DLGAP1: variants seen among roughly 807,000 people sequenced by gnomAD.
DLGAP1 encodes DLG associated protein 1.
In DLGAP1, 11 loss-of-function variants were observed where a neutral mutation model predicts 90.8. The ratio of observed to expected loss-of-function variants is 0.12; its 90% CI spans 0.08 to 0.20. DLGAP1 has a LOEUF of 0.20. DLGAP1 is among the 10% of genes least tolerant of loss of function. DLGAP1 has a pLI of 1.00. For synonymous variants in DLGAP1, 558 were observed against 540.7 expected, an observed-to-expected ratio of 1.03 and a Z score of -0.44; for missense variants, 1,050 against 1,333.8, an observed-to-expected ratio of 0.79 and a Z score of 3.31.
chr18:3,713,125 A>C (rs966525609), intron 7 of DLGAP1, among the ~76,000 whole-genome samples: 1 of 152,342 alleles, frequency 6.6e-6, no homozygotes, highest in Non-Finnish European at 1.5e-5. Flanking sequence ...TGAACCACCA[A>C]CAAGTACAGC....
chr18:4,203,206 C>T (rs1469788880), intron 1 of DLGAP1, among the ~76,000 whole-genome samples: 5 of 149,088 alleles, frequency 3.4e-5, no homozygotes, highest in South Asian at 2.1e-4. Context: ...ACCCGGGAGG[C>T]GGAGGTTGCA....
intron 7 of DLGAP1, among the ~76,000 whole-genome samples, chr18:3,601,296 G>C (rs566711348): frequency 2.0e-5 from 3 of 152,020 alleles, no homozygotes; most frequent in African/African-American, 7.2e-5. Context: ...ATGTTGATCA[G>C]GCTGGTCTCG....
chr18:4,275,279 C>A lies in DLGAP1; in HGVS notation c.-266-123992G>T, dbSNP rs1042698910. The stretch of plus-strand genomic sequence containing the variant: ...TATTCTAGGAGCTCTCCCATCTTTT[C>A]ACTGAGTGCTCTCTCTCACAGGAAT... On this transcript the variant is annotated intron_variant, in intron 1 of 12. Coordinates refer to ENST00000315677, the MANE Select transcript of DLGAP1 (RefSeq NM_004746.4). 4.6e-5 allele frequency: 7 copies of A among 152,234 alleles called. 1 individual carries two copies. Among genetic ancestry groups the A allele is most frequent in the African/African-American group, 1.7e-4 (7 of 41,464 alleles). The allele number at this position is 152,234 out of a possible 1,614,324, so 9.4% of individuals were successfully genotyped here.
chr18:4,178,220 C>A, intron 1 of DLGAP1, among the ~76,000 whole-genome samples: 1 of 149,674 alleles, frequency 6.7e-6, no homozygotes, highest in African/African-American at 2.5e-5. Flanking sequence ...CACACACACA[C>A]ACACACACAC....
intron 2 of DLGAP1, among the ~76,000 whole-genome samples, chr18:4,129,496 T>C (rs1229111136): frequency 6.6e-6 from 1 of 152,190 alleles, no homozygotes; most frequent in African/African-American, 2.4e-5. Flanking sequence ...CGTCATAGAA[T>C]GAAACTTGTC....
intron 3 of DLGAP1, among the ~76,000 whole-genome samples, chr18:3,882,828 T>A (rs1465126274): frequency 6.6e-6 from 1 of 152,182 alleles, no homozygotes; most frequent in Admixed American, 6.5e-5. Context: ...TTTCAAGACT[T>A]CCTACAATAC....
intron 1 of DLGAP1, among the ~76,000 whole-genome samples, chr18:4,343,437 T>G (rs1032289349): frequency 6.6e-6 from 1 of 151,968 alleles, no homozygotes; most frequent in Non-Finnish European, 1.5e-5. Flanking sequence ...TCCTGATTAC[T>G]TAATATTTAT....
intron 1 of DLGAP1, among the ~76,000 whole-genome samples, chr18:4,255,718 T>C (rs185546234): frequency 6.6e-6 from 1 of 151,932 alleles, no homozygotes; most frequent in Admixed American, 6.6e-5. Context: ...AAGCCAGGAG[T>C]TGTTACTACC....
intron 2 of DLGAP1, among the ~76,000 whole-genome samples, chr18:4,075,995 G>GCTCTCC (rs955487068): frequency 2.6e-5 from 4 of 151,968 alleles, no homozygotes; most frequent in Admixed American, 1.3e-4. Context: ...ACTCTTGGTC[G>GCTCTCC]CTCTCCCTCT....
chr18:3,966,365 A>G (rs2073331508), intron 3 of DLGAP1, among the ~76,000 whole-genome samples: 1 of 152,148 alleles, frequency 6.6e-6, no homozygotes, highest in African/African-American at 2.4e-5. Context: ...AGGCTTTAGC[A>G]GGTTTTAACC....
intron 9 of DLGAP1, 144 bp downstream of exon 9, chr18:3,567,346 A>C (rs1375511072): frequency 9.1e-6 from 6 of 662,904 alleles, no homozygotes; most frequent in Non-Finnish European, 1.6e-5. Flanking sequence ...AGAATCAACT[A>C]ATATTGATTC....
At chr18:4,276,720 T>C (rs114413777) in intron 1 of DLGAP1, among the ~76,000 whole-genome samples, 4,723 of 152,146 alleles carry the variant, frequency 0.031, 174 homozygotes, top group African/African-American at 0.089. Flanking sequence ...ATTCTACCAA[T>C]AGGTAATTTT....
chr18:3,828,329 G>A (rs2067835059), intron 4 of DLGAP1, among the ~76,000 whole-genome samples: 1 of 152,158 alleles, frequency 6.6e-6, no homozygotes, highest in Admixed American at 6.5e-5. Flanking sequence ...AGGGGCAGTG[G>A]TGTTCAAAAC....
chr18:3,542,261 G>A (rs2144641400), intron 9 of DLGAP1, among the ~76,000 whole-genome samples: 1 of 152,262 alleles, frequency 6.6e-6, no homozygotes, highest in Admixed American at 6.5e-5. Flanking sequence ...TAAATGAAAA[G>A]ATCCTGGCTT....
At chr18:3,975,409 T>C (rs2073549608) in intron 3 of DLGAP1, among the ~76,000 whole-genome samples, 1 of 152,152 alleles carries the variant, frequency 6.6e-6, no homozygotes, top group African/African-American at 2.4e-5. Flanking sequence ...AGATACCGCT[T>C]CACACCTGTT....
intron 2 of DLGAP1, among the ~76,000 whole-genome samples, chr18:4,105,666 A>T (rs2075846296): frequency 6.6e-6 from 1 of 152,244 alleles, no homozygotes; most frequent in Non-Finnish European, 1.5e-5. Flanking sequence ...TTTAAATGCG[A>T]TCTATTTCTA....
chr18:3,592,905 AGAAAAAAAAG>A (rs1431776196), intron 7 of DLGAP1, among the ~76,000 whole-genome samples: 1 of 147,178 alleles, frequency 6.8e-6, no homozygotes, highest in African/African-American at 2.5e-5. Flanking sequence ...AAAAAGAAAA[AGAAAAAAAAG>A]AAAGAAAAGA....
At position 3,908,143 on chromosome 18, in the gene DLGAP1, A is replaced by G. The variant is rs564308374; in HGVS notation, c.-72-28003T>C. 3.0e-4 allele frequency among the ~76,000 whole-genome samples: 45 copies of G among 152,318 alleles called. No homozygotes were observed. In the South Asian group the frequency reaches 8.9e-3, roughly 30 times the overall value. ...TATTTTTAACAGTCATTCAGTGCCAATGTTCTAGGCATTGTACTGAACAGA... is the reference window on the plus strand; with the variant it reads ...TATTTTTAACAGTCATTCAGTGCCAGTGTTCTAGGCATTGTACTGAACAGA... On this transcript the variant is annotated intron_variant, in intron 3 of 12. Coordinates refer to ENST00000315677, the MANE Select transcript of DLGAP1 (RefSeq NM_004746.4).
chr18:3,887,950 T>C (rs1421834524), intron 3 of DLGAP1, among the ~76,000 whole-genome samples: 1 of 150,844 alleles, frequency 6.6e-6, no homozygotes, highest in African/African-American at 2.4e-5. Context: ...CTACTAAAAA[T>C]ACAAAAAATT....
Sources: allele counts gnomAD v4.1 joint callset (sites outside exome capture counted in the v4.1 genomes callset), GRCh38; gene constraint gnomAD v4.1.1; transcripts MANE v1.5; gene names NCBI Gene and HGNC (gene_info 2026-07-23, HGNC 2026-07-21).